GRIP1: variants seen among roughly 807,000 people sequenced by gnomAD.
The protein encoded by GRIP1 is glutamate receptor interacting protein 1.
GRIP1 carries 45 observed loss-of-function variants against 129.9 expected under a neutral mutation model. That is an observed-to-expected ratio of 0.35 (90% CI 0.27 to 0.44). GRIP1 has a LOEUF of 0.44. GRIP1 is among the 20% of genes least tolerant of loss of function. The pLI is 1.00. For missense variants in GRIP1, 1,196 were observed against 1,396.8 expected, an observed-to-expected ratio of 0.86 and a Z score of 2.29; for synonymous variants, 530 against 520.8, an observed-to-expected ratio of 1.02 and a Z score of -0.24.
chr12:66,920,767 G>A (rs563319251), intron 1 of GRIP1, among the ~76,000 whole-genome samples: 2 of 152,312 alleles, frequency 1.3e-5, no homozygotes, highest in South Asian at 2.1e-4. Flanking sequence ...CAGTGTCCAT[G>A]AGGACCACTG....
At chr12:66,687,543 A>T (rs913586519) in intron 1 of GRIP1, among the ~76,000 whole-genome samples, 1 of 152,190 alleles carries the variant, frequency 6.6e-6, no homozygotes, top group African/African-American at 2.4e-5. Context: ...AGGTGAAAAA[A>T]AAAATACAAT....
At chr12:66,760,040 G>A (rs2037423437) in intron 1 of GRIP1, among the ~76,000 whole-genome samples, 5 of 152,040 alleles carry the variant, frequency 3.3e-5, no homozygotes. Context: ...GTTTTTAGTA[G>A]AGATGGGGTT....
At chr12:67,030,713 T>C (rs1320354323) in intron 1 of GRIP1, among the ~76,000 whole-genome samples, 1 of 152,236 alleles carries the variant, frequency 6.6e-6, no homozygotes, top group African/African-American at 2.4e-5. Context: ...AGGGTGAGTT[T>C]ATTTCATTTT....
At chr12:66,977,803 G>C (rs2042176371) in intron 1 of GRIP1, among the ~76,000 whole-genome samples, 1 of 132,130 alleles carries the variant, frequency 7.6e-6, no homozygotes, top group Non-Finnish European at 1.6e-5. Flanking sequence ...TTCTAGAGCT[G>C]AGCATTTTTT....
At chr12:66,477,727 C>T (rs2059663886) in intron 7 of GRIP1, among the ~76,000 whole-genome samples, 1 of 152,110 alleles carries the variant, frequency 6.6e-6, no homozygotes, top group South Asian at 2.1e-4. Flanking sequence ...TAATACCACA[C>T]ATCTACAACC....
intron 19 of GRIP1, among the ~76,000 whole-genome samples, chr12:66,391,133 G>C (rs1326999293): frequency 6.6e-6 from 1 of 152,148 alleles, no homozygotes; most frequent in Non-Finnish European, 1.5e-5. Flanking sequence ...AACCAGGAGA[G>C]AGCAAACTGG....
chr12:66,556,338 T>G (rs918709870), intron 2 of GRIP1, among the ~76,000 whole-genome samples: 3 of 152,160 alleles, frequency 2.0e-5, no homozygotes, highest in African/African-American at 7.2e-5. Context: ...AAAAATTGCT[T>G]TAAGCATGAA....
At chr12:66,873,759 A>C (rs538376450) in intron 1 of GRIP1, among the ~76,000 whole-genome samples, 7 of 152,090 alleles carry the variant, frequency 4.6e-5, no homozygotes, top group African/African-American at 7.2e-5. Context: ...CTTTCAAAGC[A>C]CTGTCATAAA....
rs1179772093 is a variant in GRIP1, at chr12:66,445,405, T to C, written c.1458A>G (p.Gln486=). The C allele has an allele frequency of 6.2e-7, 1 of 1,614,160 alleles. No homozygotes were observed. ...CTGTGGCAAACACACTGCCCTGCAG[T>C]TGGATCCCAAATCCTGTGACAGGAT... ...TADPVTGFGI[Q]LQGSVFATET... Residue 486 remains glutamine, a synonymous_variant, in exon 12 of 25, where the codon CAA becomes CAG. Transcript: ENST00000359742.
intron 1 of GRIP1, among the ~76,000 whole-genome samples, chr12:67,050,736 G>A (rs2043331155): frequency 6.6e-6 from 1 of 152,068 alleles, no homozygotes; most frequent in Non-Finnish European, 1.5e-5. Flanking sequence ...TACCCTACAA[G>A]ATGCTCCAGT....
In GRIP1 at chr12:67,038,641, C is replaced by G. The variant is rs570577800; in HGVS notation, c.58+30409G>C. Reference sequence around the variant, plus strand: ...ATAAGCTTAACATGCGCTTTCTTAACTAAAGCATTTCAAATTTAACCTCAA... The same window carrying G: ...ATAAGCTTAACATGCGCTTTCTTAAGTAAAGCATTTCAAATTTAACCTCAA... On this transcript the variant is annotated intron_variant, in intron 1 of 1. Coordinates refer to the GRIP1 transcript ENST00000643019. Among the ~76,000 whole-genome samples, 5 of 152,250 alleles carry G rather than the reference C, an allele frequency of 3.3e-5. No homozygotes were observed. In the South Asian group the frequency reaches 8.3e-4, roughly 25 times the overall value.
At chr12:66,430,535 T>A (rs2058117452) in intron 14 of GRIP1, among the ~76,000 whole-genome samples, 1 of 152,214 alleles carries the variant, frequency 6.6e-6, no homozygotes, top group African/African-American at 2.4e-5. Flanking sequence ...AACACCATCA[T>A]AAAGCATAAT....
rs534346267 is a variant in GRIP1, at chr12:67,043,396, T to C, written c.58+25654A>G. ...ATAACCGTTCAGCCCTCAAATATCA[T>C]TTTTCTTCTGAGACCGCAAAAGTGA... On this transcript the variant is annotated intron_variant, in intron 1 of 1. Transcript: ENST00000643019. 3.9e-5 allele frequency among the ~76,000 whole-genome samples: 6 copies of C among 152,282 alleles called. No individual in the cohort carries two copies. In the South Asian group the frequency reaches 1.2e-3, roughly 32 times the overall value.
At chr12:66,474,761 T>C (rs1441297031) in intron 7 of GRIP1, among the ~76,000 whole-genome samples, 1 of 152,146 alleles carries the variant, frequency 6.6e-6, no homozygotes, top group Non-Finnish European at 1.5e-5. Context: ...TAAAATACTT[T>C]ACAGACAAGC....
At chr12:66,696,805 A>C (rs2035179041) in intron 1 of GRIP1, among the ~76,000 whole-genome samples, 1 of 19,094 alleles carries the variant, frequency 5.2e-5, no homozygotes, top group East Asian at 2.1e-3. Context: ...ACTCTGTCTC[A>C]AAAAAAAAAA....
intron 13 of GRIP1, 41 bp downstream of exon 13, chr12:66,444,543 T>C: frequency 8.1e-7 from 1 of 1,242,158 alleles, no homozygotes; most frequent in Non-Finnish European, 1.2e-6. Context: ...ATAACCAATA[T>C]AACTCACATG....
At chr12:67,003,156 A>C (rs1042062201) in intron 1 of GRIP1, among the ~76,000 whole-genome samples, 2 of 152,114 alleles carry the variant, frequency 1.3e-5, no homozygotes, top group Admixed American at 1.3e-4. Flanking sequence ...AATTTATATT[A>C]ATGTATCATC....
chr12:66,480,677 G>T (rs573540286), intron 7 of GRIP1, among the ~76,000 whole-genome samples: 2 of 152,334 alleles, frequency 1.3e-5, no homozygotes, highest in East Asian at 3.9e-4. Context: ...CAAGGCTACA[G>T]TAACCAAAAC....
chr12:66,775,047 A>T (rs933890229), intron 1 of GRIP1, among the ~76,000 whole-genome samples: 1 of 152,180 alleles, frequency 6.6e-6, no homozygotes, highest in Non-Finnish European at 1.5e-5. Context: ...GTAAATTAAC[A>T]TATTGATTTC....
Sources: allele counts gnomAD v4.1 joint callset (sites outside exome capture counted in the v4.1 genomes callset), GRCh38; gene constraint gnomAD v4.1.1; transcripts MANE v1.5; gene names NCBI Gene and HGNC (gene_info 2026-07-23, HGNC 2026-07-21).